PLXNA4: variants seen among roughly 807,000 people sequenced by gnomAD.
PLXNA4 encodes plexin-A4.
A neutral mutation model predicts 191.8 loss-of-function variants in PLXNA4; 44 were observed. The ratio of observed to expected loss-of-function variants is 0.23; its 90% CI spans 0.18 to 0.29. The LOEUF is 0.29. Ranked by LOEUF, PLXNA4 falls within the 10% of genes least tolerant of loss-of-function variation. The pLI is 1.00. For missense variants in PLXNA4, 1,800 were observed against 2,488.8 expected (o/e 0.72, Z 5.89); for synonymous variants, 1,082 against 1,009.5 (o/e 1.07, Z -1.36).
At chr7:132,261,042 C>G (rs1044788845) in intron 4 of PLXNA4, among the ~76,000 whole-genome samples, 1 of 152,178 alleles carries the variant, frequency 6.6e-6, no homozygotes, top group Non-Finnish European at 1.5e-5. Context: ...AAAAAATAGT[C>G]TATTCAAAAA....
chr7:132,486,940 A>G (rs1414922659), intron 3 of PLXNA4, among the ~76,000 whole-genome samples: 2 of 150,128 alleles, frequency 1.3e-5, no homozygotes, highest in African/African-American at 4.9e-5. Flanking sequence ...GCTGCACTTG[A>G]CCTCCCTGTC....
At chr7:132,600,275 A>G (rs1802791502) in intron 2 of PLXNA4, among the ~76,000 whole-genome samples, 1 of 152,330 alleles carries the variant, frequency 6.6e-6, no homozygotes, top group South Asian at 2.1e-4. Flanking sequence ...CCTTAAAACT[A>G]TCTGGGCTTA....
intron 3 of PLXNA4, among the ~76,000 whole-genome samples, chr7:132,300,815 G>T (rs182909166): frequency 2.0e-5 from 3 of 152,206 alleles, no homozygotes; most frequent in Non-Finnish European, 2.9e-5. Flanking sequence ...GGCCACCGTC[G>T]GCCAGAGCAG....
chr7:132,229,233 C>T (rs540969348), intron 5 of PLXNA4, among the ~76,000 whole-genome samples: 82 of 152,286 alleles, frequency 5.4e-4, no homozygotes, highest in African/African-American at 2.0e-3. Flanking sequence ...AATCCTGGCT[C>T]TAAGGTTTGC....
intron 3 of PLXNA4, among the ~76,000 whole-genome samples, chr7:132,464,138 C>G (rs564572054): frequency 6.0e-4 from 92 of 152,264 alleles, no homozygotes; most frequent in Non-Finnish European, 8.7e-4. Context: ...GTTTCTAGTA[C>G]AGGATAAAAA....
intron 3 of PLXNA4, among the ~76,000 whole-genome samples, chr7:132,344,039 A>G (rs867160399): frequency 7.2e-5 from 11 of 152,196 alleles, no homozygotes; most frequent in Admixed American, 2.6e-4. Context: ...ACGCCTGCCC[A>G]TAATGCCCCT....
In PLXNA4 at chr7:132,489,267, C is replaced by T. The variant is rs115214999; in HGVS notation, c.1371+25G>A. 8.3e-5 allele frequency: 129 copies of T among 1,559,874 alleles called. No individual in the cohort carries two copies. In the African/African-American group the frequency reaches 1.6e-3, roughly 20 times the overall value. On this transcript the variant is annotated intron_variant, in intron 3 of 31. Transcript: ENST00000321063. The stretch of plus-strand genomic sequence containing the variant: ...AGGGACAGACTGTCTTCACAGTAAC[C>T]AAAAGTACTGCACCTCATTCCTACC...
chr7:132,591,534 A>T (rs1323766488), intron 2 of PLXNA4, among the ~76,000 whole-genome samples: 2 of 152,228 alleles, frequency 1.3e-5, no homozygotes, highest in African/African-American at 4.8e-5. Context: ...TGTGCATATA[A>T]TATACATAAT....
intron 3 of PLXNA4, among the ~76,000 whole-genome samples, chr7:132,444,253 CTCT>C (rs1280791327): frequency 6.6e-6 from 1 of 152,224 alleles, no homozygotes; most frequent in African/African-American, 2.4e-5. Flanking sequence ...CAGAAAGTAA[CTCT>C]TCTCTTTCTT....
At chr7:132,376,181 G>T (rs1018279203) in intron 3 of PLXNA4, among the ~76,000 whole-genome samples, 1 of 152,160 alleles carries the variant, frequency 6.6e-6, no homozygotes, top group Non-Finnish European at 1.5e-5. Flanking sequence ...ATGTGAAAAG[G>T]TCTCATCAAT....
At chr7:132,624,796 C>T (rs1803338409) in intron 2 of PLXNA4, among the ~76,000 whole-genome samples, 1 of 152,158 alleles carries the variant, frequency 6.6e-6, no homozygotes, top group Non-Finnish European at 1.5e-5. Context: ...CTGCCACGAC[C>T]TTTAGAATCA....
intron 3 of PLXNA4, among the ~76,000 whole-genome samples, chr7:132,390,958 G>A (rs904977629): frequency 6.6e-6 from 1 of 152,198 alleles, no homozygotes; most frequent in African/African-American, 2.4e-5. Flanking sequence ...GGCAGTGGAT[G>A]GGAAGGAACG....
chr7:132,417,876 CT>C (rs1794714484), intron 3 of PLXNA4, among the ~76,000 whole-genome samples: 1 of 152,134 alleles, frequency 6.6e-6, no homozygotes, highest in Non-Finnish European at 1.5e-5. Context: ...TCTGGGCCCC[CT>C]ATCTACCTCC....
intron 3 of PLXNA4, among the ~76,000 whole-genome samples, chr7:132,359,735 T>C (rs1044079717): frequency 1.3e-5 from 2 of 152,234 alleles, no homozygotes; most frequent in Admixed American, 6.5e-5. Flanking sequence ...TTTGCCTGCA[T>C]GTGTCTACGT....
chr7:132,614,700 A>G (rs995443934), intron 2 of PLXNA4, among the ~76,000 whole-genome samples: 2 of 152,246 alleles, frequency 1.3e-5, no homozygotes, highest in Non-Finnish European at 2.9e-5. Flanking sequence ...CACCTGGCCC[A>G]ATTTGACTAA....
chr7:132,615,974 C>T (rs1803148456), intron 2 of PLXNA4, among the ~76,000 whole-genome samples: 1 of 58,502 alleles, frequency 1.7e-5, no homozygotes, highest in African/African-American at 4.4e-5. Context: ...TATTCCCCAC[C>T]GCCTGCTTTC....
chr7:132,501,750 T>C (rs923013217), intron 2 of PLXNA4, among the ~76,000 whole-genome samples: 2 of 152,156 alleles, frequency 1.3e-5, no homozygotes, highest in Admixed American at 6.5e-5. Flanking sequence ...CTATAAAGAT[T>C]GGGGCTGTGA....
At chr7:132,132,881 G>C (rs1264491547) in intron 31 of PLXNA4, among the ~76,000 whole-genome samples, 168 bp downstream of exon 31, 1 of 152,150 alleles carries the variant, frequency 6.6e-6, no homozygotes, top group African/African-American at 2.4e-5. Flanking sequence ...GGGATGGAGG[G>C]TTTCTAGCAT....
chr7:132,484,793 G>A (rs775639985), intron 3 of PLXNA4: 1 of 1,613,258 alleles, frequency 6.2e-7, no homozygotes, highest in East Asian at 2.2e-5. Context: ...TAGTTAAAGT[G>A]GATTCAAATT....
Sources: gnomAD v4.1 joint callset for allele counts (sites outside exome capture counted in the v4.1 genomes callset) on GRCh38, gnomAD v4.1.1 for gene constraint, MANE v1.5 for transcripts, NCBI Gene and HGNC (gene_info 2026-07-23, HGNC 2026-07-21) for gene names.